Variants in SEMA3A observed in about 807,000 individuals in gnomAD.
SEMA3A encodes semaphorin-3A.
Under a neutral mutation model 97.9 loss-of-function variants are expected in SEMA3A, and 29 were observed. That is an observed-to-expected ratio of 0.30 (90% CI 0.22 to 0.40). SEMA3A has a LOEUF of 0.40. Among genes scored for constraint, SEMA3A ranks in the 10% least tolerant of loss-of-function variants. SEMA3A has a pLI of 1.00. For missense variants in SEMA3A, 763 were observed against 951.3 expected, an observed-to-expected ratio of 0.80 and a Z score of 2.60; for synonymous variants, 321 against 323.7, an observed-to-expected ratio of 0.99 and a Z score of 0.09.
At chr7:84,213,808 T>A (rs1456554204) in intron 3 of SEMA3A, among the ~76,000 whole-genome samples, 1 of 152,234 alleles carries the variant, frequency 6.6e-6, no homozygotes, top group Non-Finnish European at 1.5e-5. Flanking sequence ...CTTGTCTTAA[T>A]TTTTAATTAC....
chr7:84,215,843 C>T lies in SEMA3A; in HGVS notation c.-82-21175G>A, dbSNP rs538225761. 1.5e-3 allele frequency among the ~76,000 whole-genome samples: 227 copies of T among 152,110 alleles called. 2 individuals are homozygous for T. Among genetic ancestry groups the T allele is most frequent in the African/African-American group, 5.4e-3 (223 of 41,518 alleles). The stretch of plus-strand genomic sequence containing the variant: ...TGAAACAAATATTATTTTTCTAGGT[C>T]ATGTGGAAAATATGTAGTCTTTTAT... On this transcript the variant is annotated intron_variant, in intron 3 of 3. Coordinates refer to the SEMA3A transcript ENST00000424555.
At chr7:84,180,596 G>A (rs1584091493) in intron 1 of SEMA3A, among the ~76,000 whole-genome samples, 1 of 152,120 alleles carries the variant, frequency 6.6e-6, no homozygotes, top group Non-Finnish European at 1.5e-5. Context: ...GCTGAGGCAG[G>A]AGAATCACTT....
At chr7:84,258,516 T>TG (rs1253304626) in intron 3 of SEMA3A, among the ~76,000 whole-genome samples, 4 of 151,808 alleles carry the variant, frequency 2.6e-5, no homozygotes, top group African/African-American at 9.7e-5. Flanking sequence ...CTCATCCTTG[T>TG]GGGAAAAAAA....
At chr7:84,010,502 C>T (rs1790836513) in intron 9 of SEMA3A, among the ~76,000 whole-genome samples, 1 of 152,122 alleles carries the variant, frequency 6.6e-6, no homozygotes, top group Non-Finnish European at 1.5e-5. Flanking sequence ...ATTTTGTCCC[C>T]AGATTCCCAT....
chr7:84,054,688 C>G (rs1214525785), intron 5 of SEMA3A, among the ~76,000 whole-genome samples: 16 of 144,310 alleles, frequency 1.1e-4, no homozygotes, highest in Non-Finnish European at 2.0e-4. Flanking sequence ...TCGTCTGAAG[C>G]CTTCTTCTCT....
chr7:84,448,658 C>T lies in SEMA3A; in HGVS notation c.-246+43802G>A, dbSNP rs185791498. ...AACTACAAAACATTTCTACAATGAA[C>T]ATTAAAAAAAGTAAAGAAATGGAAA... On this transcript the variant is annotated intron_variant, in intron 1 of 3. Transcript: ENST00000424555. Among the ~76,000 whole-genome samples, 466 of 151,386 alleles carry T rather than the reference C, an allele frequency of 3.1e-3. 3 individuals carry two copies. The highest frequency in any genetic ancestry group is 0.011 in the African/African-American group (455 of 41,266).
rs569005015 is a variant in SEMA3A, at chr7:84,467,357, C to T, written c.-246+25103G>A. 8.3e-4 allele frequency among the ~76,000 whole-genome samples: 126 copies of T among 151,780 alleles called. 1 individual carries two copies. The highest frequency in any genetic ancestry group is 3.4e-3 in the Middle Eastern group (1 of 292). On this transcript the variant is annotated intron_variant, in intron 1 of 3. Coordinates refer to the SEMA3A transcript ENST00000424555. ...CTAACACAGTAAAACCCCATCTCTA[C>T]TAAAAATACAAAAAATTAGCTGGGT...
chr7:84,249,392 T>TATCTATC (rs1554351578), intron 3 of SEMA3A, among the ~76,000 whole-genome samples: 12 of 151,888 alleles, frequency 7.9e-5, no homozygotes, highest in Admixed American at 5.3e-4. Flanking sequence ...TCTATCTATC[T>TATCTATC]ATCTATCTAT....
intron 1 of SEMA3A, among the ~76,000 whole-genome samples, chr7:84,422,403 T>C (rs1050980117): frequency 1.3e-5 from 2 of 152,098 alleles, no homozygotes; most frequent in Non-Finnish European, 2.9e-5. Flanking sequence ...TTGATTCTTC[T>C]CTCTTTTATT....
chr7:84,321,664 C>G (rs933080372), intron 2 of SEMA3A, among the ~76,000 whole-genome samples: 3 of 151,802 alleles, frequency 2.0e-5, no homozygotes, highest in Non-Finnish European at 4.4e-5. Flanking sequence ...ATCATGGGGT[C>G]AGGAGATCGA....
chr7:84,313,388 A>ATATG (rs1358404300), intron 2 of SEMA3A, among the ~76,000 whole-genome samples: 2 of 100,416 alleles, frequency 2.0e-5, no homozygotes, highest in Non-Finnish European at 4.3e-5. Flanking sequence ...ATATATATAT[A>ATATG]TATATATATA....
intron 1 of SEMA3A, among the ~76,000 whole-genome samples, chr7:84,464,918 G>A (rs1415543099): frequency 6.6e-6 from 1 of 152,124 alleles, no homozygotes; most frequent in Non-Finnish European, 1.5e-5. Flanking sequence ...AAAGTAGGAA[G>A]AATTGCTTCA....
chr7:84,404,349 G>A, intron 1 of SEMA3A, among the ~76,000 whole-genome samples: 1 of 152,108 alleles, frequency 6.6e-6, no homozygotes, highest in East Asian at 1.9e-4. Flanking sequence ...AGAAAAAAAA[G>A]AATAAAAAGA....
At chr7:84,327,135 C>T (rs900956638) in intron 2 of SEMA3A, among the ~76,000 whole-genome samples, 145 of 152,000 alleles carry the variant, frequency 9.5e-4, no homozygotes, top group African/African-American at 3.3e-3. Flanking sequence ...CTGAAATATG[C>T]AAAATCTGTT....
At chr7:84,472,935 C>G (rs1228908) in intron 1 of SEMA3A, among the ~76,000 whole-genome samples, 69,593 of 151,962 alleles carry the variant, frequency 0.46, 17,643 homozygotes, top group East Asian at 0.78. Context: ...TAGAGAGATC[C>G]TCATGTGACA....
chr7:84,422,838 T>C (rs1804637305), intron 1 of SEMA3A, among the ~76,000 whole-genome samples: 1 of 152,016 alleles, frequency 6.6e-6, no homozygotes, highest in Non-Finnish European at 1.5e-5. Flanking sequence ...AAGTAGGAAG[T>C]TACAAATTTA....
intron 1 of SEMA3A, among the ~76,000 whole-genome samples, chr7:84,468,273 A>T (rs148902948): frequency 9.8e-5 from 15 of 152,308 alleles, no homozygotes; most frequent in Non-Finnish European, 1.6e-4. Flanking sequence ...GCACAATGCC[A>T]GTATGCAGAG....
At chr7:84,141,293 T>C (rs1796283951) in intron 1 of SEMA3A, among the ~76,000 whole-genome samples, 1 of 152,168 alleles carries the variant, frequency 6.6e-6, no homozygotes, top group Non-Finnish European at 1.5e-5. Context: ...GACTAGTCTC[T>C]CCAGCCTGTG....
At chr7:84,414,885 T>C (rs952014391) in intron 1 of SEMA3A, among the ~76,000 whole-genome samples, 1 of 152,040 alleles carries the variant, frequency 6.6e-6, no homozygotes, top group South Asian at 2.1e-4. Context: ...AATGGGGAAA[T>C]TCAAATAAAC....
Sources: gnomAD v4.1 joint callset for allele counts (sites outside exome capture counted in the v4.1 genomes callset) on GRCh38, gnomAD v4.1.1 for gene constraint, MANE v1.5 for transcripts, NCBI Gene and HGNC (gene_info 2026-07-23, HGNC 2026-07-21) for gene names.